ROBO1: variants seen among roughly 807,000 people sequenced by gnomAD.
ROBO1 encodes the protein roundabout guidance receptor 1, also known as roundabout homolog 1.
ROBO1 carries 149 observed loss-of-function variants against 195.9 expected under a neutral mutation model. The ratio of observed to expected loss-of-function variants is 0.76; its 90% CI spans 0.67 to 0.87. The LOEUF is 0.87. Ranked by LOEUF, ROBO1 falls within the 40% of genes least tolerant of loss-of-function variation. The pLI is 0.00. For missense variants in ROBO1, 1,933 were observed against 2,068.3 expected (o/e 0.93, Z 1.27); for synonymous variants, 816 against 733.2 (o/e 1.11, Z -1.82).
chr3:79,305,803 A>G (rs2033190429), intron 2 of ROBO1, among the ~76,000 whole-genome samples: 1 of 152,206 alleles, frequency 6.6e-6, no homozygotes. Flanking sequence ...ATGTATGAGA[A>G]CAACACTCAA....
chr3:79,554,690 C>T (rs1176047908), intron 2 of ROBO1, among the ~76,000 whole-genome samples: 2 of 151,854 alleles, frequency 1.3e-5, no homozygotes, highest in Non-Finnish European at 2.9e-5. Flanking sequence ...TTCATAATGC[C>T]AAAGAGCTGA....
intron 2 of ROBO1, among the ~76,000 whole-genome samples, chr3:79,365,979 T>G (rs991789459): frequency 6.6e-6 from 1 of 151,950 alleles, no homozygotes; most frequent in African/African-American, 2.4e-5. Flanking sequence ...TCCAGACTTC[T>G]CAGGACAGGG....
chr3:78,863,036 T>C (rs2034946540), intron 4 of ROBO1, among the ~76,000 whole-genome samples: 1 of 152,184 alleles, frequency 6.6e-6, no homozygotes, highest in African/African-American at 2.4e-5. Context: ...ACTACTTCTA[T>C]AGCAGTTTAA....
At chr3:78,995,024 A>G (rs2077327026) in intron 3 of ROBO1, among the ~76,000 whole-genome samples, 1 of 152,148 alleles carries the variant, frequency 6.6e-6, no homozygotes, top group Non-Finnish European at 1.5e-5. Flanking sequence ...GAAACTAATG[A>G]CTGCTATACA....
At chr3:78,659,885 A>G in intron 16 of ROBO1, 78 bp from the exon 17 acceptor site, 1 of 1,138,118 alleles carries the variant, frequency 8.8e-7, no homozygotes, top group East Asian at 2.6e-5. Context: ...ATCAAACCCA[A>G]TAATAGATGT....
chr3:78,683,998 A>C (rs777434619), intron 10 of ROBO1, among the ~76,000 whole-genome samples: 2 of 152,078 alleles, frequency 1.3e-5, no homozygotes, highest in African/African-American at 2.4e-5. Context: ...TCCAATATAC[A>C]TATCTGATGA....
intron 11 of ROBO1, among the ~76,000 whole-genome samples, chr3:78,669,686 A>G (rs1246862692): frequency 5.3e-5 from 8 of 152,184 alleles, no homozygotes; most frequent in Non-Finnish European, 1.2e-4. Flanking sequence ...GCCATTGCAA[A>G]ATGCTGAAAC....
chr3:78,972,962 C>T (rs970697094), intron 3 of ROBO1, among the ~76,000 whole-genome samples: 2 of 152,132 alleles, frequency 1.3e-5, no homozygotes, highest in Non-Finnish European at 2.9e-5. Flanking sequence ...AAAGATTTGT[C>T]TGTAAAGTAG....
At chr3:79,366,337 C>A (rs569934283) in intron 2 of ROBO1, among the ~76,000 whole-genome samples, 1 of 152,278 alleles carries the variant, frequency 6.6e-6, no homozygotes, top group East Asian at 1.9e-4. Flanking sequence ...TTTTCTTAAA[C>A]TCAATGCCTC....
chr3:79,699,332 C>A lies in ROBO1; in HGVS notation c.-51+68420G>T, dbSNP rs564661062. On this transcript the variant is annotated intron_variant, in intron 1 of 30. Transcript: ENST00000464233. ...CACAGTACAAGCACAGGGAGCGCCC[C>A]CTACATGGCAACAGAACATGATTTG... Among the ~76,000 whole-genome samples, 8 of 151,572 alleles carry A rather than the reference C, an allele frequency of 5.3e-5. No homozygotes were observed. In the East Asian group the frequency reaches 1.6e-3, roughly 30 times the overall value.
intron 26 of ROBO1, among the ~76,000 whole-genome samples, chr3:78,623,450 C>T (rs753840118): frequency 2.6e-5 from 4 of 151,960 alleles, no homozygotes; most frequent in Non-Finnish European, 4.4e-5. Flanking sequence ...AGACATTGTT[C>T]GGGGAGTAGC....
chr3:78,706,017 T>C (rs1217140102), intron 8 of ROBO1, among the ~76,000 whole-genome samples: 2 of 142,720 alleles, frequency 1.4e-5, no homozygotes, highest in African/African-American at 5.3e-5. Context: ...CAGTAAACAA[T>C]GAGACTAACA....
chr3:78,615,050 A>G (rs1200364704), intron 27 of ROBO1, among the ~76,000 whole-genome samples: 1 of 152,168 alleles, frequency 6.6e-6, no homozygotes, highest in Non-Finnish European at 1.5e-5. Context: ...TTATTCTGTT[A>G]AAGTTCATGA....
chr3:79,056,223 A>G (rs1259671951), intron 3 of ROBO1, among the ~76,000 whole-genome samples: 1 of 152,130 alleles, frequency 6.6e-6, no homozygotes, highest in East Asian at 1.9e-4. Flanking sequence ...CTTGCTATCA[A>G]TGGAAAGTAC....
At chr3:78,786,899 G>C (rs896401865) in intron 4 of ROBO1, among the ~76,000 whole-genome samples, 16 of 152,180 alleles carry the variant, frequency 1.1e-4, no homozygotes, top group African/African-American at 3.1e-4. Context: ...TGAACTCCAT[G>C]TCTTAGAGAA....
chr3:79,485,789 C>A (rs954061889), intron 2 of ROBO1, among the ~76,000 whole-genome samples: 1 of 151,692 alleles, frequency 6.6e-6, no homozygotes, highest in Non-Finnish European at 1.5e-5. Flanking sequence ...CAATTTAGTG[C>A]GTAGTCTTCT....
At position 78,834,568 on chromosome 3, in the gene ROBO1, T is replaced by C. The variant is rs373453664; in HGVS notation, c.500-87668A>G. 2.6e-5 allele frequency among the ~76,000 whole-genome samples: 4 copies of C among 151,788 alleles called. No individual in the cohort carries two copies. In the East Asian group the frequency reaches 5.8e-4, roughly 22 times the overall value. ...CCACAAATATGTATTCATTTCATCA[T>C]CAGGGTGCATATGCTATATAATGAT... On this transcript the variant is annotated intron_variant, in intron 4 of 30. Coordinates refer to ENST00000464233, the MANE Select transcript of ROBO1 (RefSeq NM_002941.4).
intron 3 of ROBO1, among the ~76,000 whole-genome samples, chr3:79,093,327 T>C (rs1360258325): frequency 1.3e-5 from 2 of 152,136 alleles, no homozygotes; most frequent in African/African-American, 4.8e-5. Context: ...TTGTATAACT[T>C]GGGAGTTCCT....
At chr3:78,682,503 G>GTA (rs113204783) in intron 10 of ROBO1, among the ~76,000 whole-genome samples, 41,412 of 146,430 alleles carry the variant, frequency 0.28, 6,217 homozygotes, top group African/African-American at 0.38. Context: ...ATGTATATAT[G>GTA]TATATATGAC....
Sources: allele counts gnomAD v4.1 joint callset (sites outside exome capture counted in the v4.1 genomes callset), GRCh38; gene constraint gnomAD v4.1.1; transcripts MANE v1.5; gene names NCBI Gene and HGNC (gene_info 2026-07-23, HGNC 2026-07-21).